The following SMARCA2 variants were observed in gnomAD, a reference collection of about 807,000 sequenced individuals.
The protein encoded by SMARCA2 is SWI/SNF related BAF chromatin remodeling complex subunit ATPase 2, also known as SWI/SNF-related matrix-associated actin-dependent regulator of chromatin subfamily A member 2.
In SMARCA2, 61 loss-of-function variants were observed where a neutral mutation model predicts 199.8. The ratio of observed to expected loss-of-function variants is 0.31; its 90% CI spans 0.25 to 0.38. The LOEUF is 0.38. SMARCA2 is among the 10% of genes least tolerant of loss of function. The pLI, the probability that SMARCA2 is intolerant of heterozygous loss-of-function variation, is 1.00. For synonymous variants in SMARCA2, 935 were observed against 732.0 expected (o/e 1.28, Z -4.48); for missense variants, 1,344 against 2,012.2 (o/e 0.67, Z 6.35).
At chr9:2,070,354 TA>T in intron 9 of SMARCA2, 63 bp from the exon 10 acceptor site, 3 of 1,328,126 alleles carry the variant, frequency 2.3e-6, no homozygotes, top group Non-Finnish European at 3.3e-6. Flanking sequence ...ACCGGAGAGT[TA>T]CCAGGAAGTC....
At chr9:2,034,561 A>C (rs143780412) in intron 3 of SMARCA2, among the ~76,000 whole-genome samples, 2 of 152,210 alleles carry the variant, frequency 1.3e-5, no homozygotes, top group Non-Finnish European at 2.9e-5. Flanking sequence ...AGTTATTCCA[A>C]TTCAAGGTTT....
At chr9:2,024,849 A>G (rs1317541634) in intron 1 of SMARCA2, among the ~76,000 whole-genome samples, 1 of 152,158 alleles carries the variant, frequency 6.6e-6, no homozygotes, top group East Asian at 1.9e-4. Flanking sequence ...TATTGCCCTC[A>G]TCTTTTCAAT....
chr9:2,175,481 T>G (rs1386665088), intron 29 of SMARCA2, among the ~76,000 whole-genome samples: 1 of 152,208 alleles, frequency 6.6e-6, no homozygotes, highest in Admixed American at 6.5e-5. Flanking sequence ...TGTGTAATGA[T>G]TGTATTCTTT....
rs1412539062 is a variant in SMARCA2 at position 2,056,360 on chromosome 9, CATT to C, written c.1174-310_1174-308del. On this transcript the variant is annotated intron_variant, in intron 6 of 33. Transcript: ENST00000349721. The surrounding 1 kb of genome is among the most constrained non-coding windows in gnomAD (Gnocchi z 4.0). ...AAAAGCTTATTTAGCTAATTGGTAT[CATT>C]AGAATAATTAGAGAAAATGAAGTTA... Among the ~76,000 whole-genome samples, 1 of 152,136 alleles carries C rather than the reference CATT, an allele frequency of 6.6e-6. No individual in the cohort carries two copies. The highest frequency in any genetic ancestry group is 1.5e-5 in the Non-Finnish European group (1 of 68,014).
intron 17 of SMARCA2, chr9:2,085,884 C>T (rs1353093878): frequency 1.3e-5 from 2 of 152,174 alleles, no homozygotes; most frequent in Non-Finnish European, 2.9e-5. Context: ...CTTAGTGGAA[C>T]ATTCCTCATT....
intron 9 of SMARCA2, among the ~76,000 whole-genome samples, chr9:2,068,099 T>A (rs1349454898): frequency 6.6e-6 from 1 of 152,180 alleles, no homozygotes; most frequent in African/African-American, 2.4e-5. Flanking sequence ...CTTTCCCCCA[T>A]TAATTAAAAC....
intron 21 of SMARCA2, 61 bp downstream of exon 21, chr9:2,097,532 AAAAAC>A: frequency 9.7e-7 from 1 of 1,029,528 alleles, no homozygotes; most frequent in African/African-American, 1.8e-5. Context: ...CTAGTTAAAA[AAAAAC>A]AAACAAACAG....
At chr9:2,064,394 C>T (rs527456719) in intron 9 of SMARCA2, among the ~76,000 whole-genome samples, 24 of 152,210 alleles carry the variant, frequency 1.6e-4, no homozygotes, top group African/African-American at 3.1e-4. Context: ...GAGGATTACA[C>T]GGGAAAGTTT....
chr9:2,076,104 C>T, intron 12 of SMARCA2, 125 bp from the exon 13 acceptor site: 1 of 635,652 alleles, frequency 1.6e-6, no homozygotes, highest in Non-Finnish European at 2.8e-6. Context: ...TACTTCCTCC[C>T]TGAATTTTAT....
At chr9:2,025,804 A>G (rs761558039) in intron 1 of SMARCA2, among the ~76,000 whole-genome samples, 3 of 152,158 alleles carry the variant, frequency 2.0e-5, no homozygotes, top group Non-Finnish European at 2.9e-5. Flanking sequence ...TAAAATTGCC[A>G]CCCGAAATGT....
chr9:2,177,080 A>C (rs940430545), intron 29 of SMARCA2, among the ~76,000 whole-genome samples: 4 of 152,188 alleles, frequency 2.6e-5, no homozygotes, highest in African/African-American at 9.7e-5. Flanking sequence ...AGGTTTCTGC[A>C]GGCTCTCTTG....
intron 12 of SMARCA2, among the ~76,000 whole-genome samples, chr9:2,074,508 G>C (rs913179652): frequency 6.6e-6 from 1 of 152,134 alleles, no homozygotes; most frequent in Admixed American, 6.5e-5. Flanking sequence ...TCTTCCATGA[G>C]CACTTAATGC....
intron 28 of SMARCA2, among the ~76,000 whole-genome samples, chr9:2,163,493 C>T (rs1825788363): frequency 6.6e-6 from 1 of 152,182 alleles, no homozygotes; most frequent in Non-Finnish European, 1.5e-5. Flanking sequence ...TTTACTCACC[C>T]CCAAGCTCCC....
At chr9:2,173,971 T>C (rs1476177926) in intron 29 of SMARCA2, among the ~76,000 whole-genome samples, 1 of 152,196 alleles carries the variant, frequency 6.6e-6, no homozygotes, top group Non-Finnish European at 1.5e-5. Flanking sequence ...ATTACAAATA[T>C]TGATACTTTA....
chr9:2,148,562 A>G (rs1461645662), intron 27 of SMARCA2, among the ~76,000 whole-genome samples: 1 of 151,484 alleles, frequency 6.6e-6, no homozygotes, highest in South Asian at 2.1e-4. Flanking sequence ...ACATATCTAT[A>G]CATGTGCCAT....
intron 1 of SMARCA2, among the ~76,000 whole-genome samples, chr9:2,025,465 T>C (rs779375944): frequency 6.6e-6 from 1 of 152,128 alleles, no homozygotes; most frequent in Non-Finnish European, 1.5e-5. Flanking sequence ...AAAATAGATT[T>C]TGTGTGTTAT....
chr9:2,080,916 G>A (rs568451603), intron 14 of SMARCA2, among the ~76,000 whole-genome samples: 1 of 152,276 alleles, frequency 6.6e-6, no homozygotes, highest in South Asian at 2.1e-4. Context: ...ACAGACCTTG[G>A]TATCTATCTG....
chr9:2,041,675 A>G, intron 4 of SMARCA2: 2 of 334,472 alleles, frequency 6.0e-6, no homozygotes, highest in Non-Finnish European at 1.1e-5. Flanking sequence ...CTGTGTGGCT[A>G]CCATGGAGGC....
Position 2,086,727 on chromosome 9 carries a change from C to T in SMARCA2, c.2527-102C>T, listed in dbSNP as rs916977167. 32 of 1,305,710 alleles carry T rather than the reference C, an allele frequency of 2.5e-5. No individual in the cohort carries two copies. The Admixed American group carries it at 2.7e-4, about 11-fold the overall frequency. The allele number at this position is 1,305,710 out of a possible 1,614,324, so 80.9% of individuals were successfully genotyped here. ...AAAGGTAATCACAGCATATCATATACCAAGGATGGGTTCTTTGGTTTTCCG... is the reference window on the plus strand; with the variant it reads ...AAAGGTAATCACAGCATATCATATATCAAGGATGGGTTCTTTGGTTTTCCG... On this transcript the variant is annotated intron_variant, in intron 17 of 33. Transcript: ENST00000349721. This position sits in a 1 kb window ranked among gnomAD's most constrained non-coding sequence, Gnocchi z 4.3.
Sources: allele counts gnomAD v4.1 joint callset (sites outside exome capture counted in the v4.1 genomes callset), GRCh38; gene constraint gnomAD v4.1.1; non-coding constraint Gnocchi (gnomAD v3.1); transcripts MANE v1.5; gene names NCBI Gene and HGNC (gene_info 2026-07-23, HGNC 2026-07-21).